Variants in RPTOR observed in about 807,000 individuals in gnomAD.
The protein encoded by RPTOR is regulatory-associated protein of mTOR.
A neutral mutation model predicts 169.9 loss-of-function variants in RPTOR; 21 were observed. The ratio of observed to expected loss-of-function variants is 0.12; its 90% CI spans 0.09 to 0.18. RPTOR has a LOEUF of 0.18. Ranked by LOEUF, RPTOR falls within the 10% of genes least tolerant of loss-of-function variation. The pLI is 1.00. For missense variants in RPTOR, 1,133 were observed against 1,855.9 expected (o/e 0.61, Z 7.16); for synonymous variants, 732 against 753.2 (o/e 0.97, Z 0.46).
intron 17 of RPTOR, 78 bp from the exon 18 acceptor site, chr17:80,891,642 G>A: frequency 1.0e-6 from 1 of 953,570 alleles, no homozygotes; most frequent in Admixed American, 2.1e-5. Context: ...TTTTCTGTTG[G>A]TGACTCAAGT....
rs182883294 is a variant in RPTOR at position 80,897,467 on chromosome 17, A to G, written c.2401+3602A>G. On this transcript the variant is annotated intron_variant, in intron 20 of 33. Coordinates refer to ENST00000306801, the MANE Select transcript of RPTOR (RefSeq NM_020761.3). ...GTTAAGAATTTTCCTGATAAATGGA[A>G]TTAATTTCTTTGAATGTATTTTCTG... Among the ~76,000 whole-genome samples the G allele has an allele frequency of 4.6e-5, 7 of 152,332 alleles. No individual in the cohort carries two copies. The East Asian group carries it at 1.2e-3, about 25-fold the overall frequency.
chr17:80,566,606 G>A (rs1299746948), intron 1 of RPTOR, among the ~76,000 whole-genome samples: 1 of 151,828 alleles, frequency 6.6e-6, no homozygotes, highest in Non-Finnish European at 1.5e-5. Context: ...GGATCATGAG[G>A]TCAGGAGATC....
intron 1 of RPTOR, among the ~76,000 whole-genome samples, chr17:80,566,519 A>G (rs981679380): frequency 6.6e-6 from 1 of 152,186 alleles, no homozygotes; most frequent in Non-Finnish European, 1.5e-5. Flanking sequence ...AGGTAGAATT[A>G]TAAGAATGTA....
At chr17:80,599,772 T>C (rs572544899) in intron 1 of RPTOR, among the ~76,000 whole-genome samples, 3 of 152,224 alleles carry the variant, frequency 2.0e-5, no homozygotes, top group Non-Finnish European at 4.4e-5. Context: ...GAACGTGTCA[T>C]TGCACGCTGG....
rs376440913 is a variant in RPTOR at position 80,949,607 on chromosome 17, G to A, written c.3370+60G>A. On this transcript the variant is annotated intron_variant, in intron 28 of 33. Transcript: ENST00000306801. ...TGTTCCCGGGGCTGCGGACGCACTC[G>A]GAATTCCAAGGCCCTTCTGGGGCTG... The A allele has an allele frequency of 3.8e-5, 52 of 1,377,014 alleles. 1 individual carries two copies. Among genetic ancestry groups the A allele is most frequent in the East Asian group, 2.3e-4 (10 of 43,800 alleles). The allele number at this position is 1,377,014 out of a possible 1,614,324, so 85.3% of individuals were successfully genotyped here. A position where few individuals can be genotyped will look rare whatever the true frequency, so the allele number is the denominator to read the frequency against.
chr17:80,819,835 C>T (rs1041382184), intron 7 of RPTOR, among the ~76,000 whole-genome samples: 1 of 152,186 alleles, frequency 6.6e-6, no homozygotes, highest in African/African-American at 2.4e-5. Context: ...GTCTGTGTGA[C>T]TCTGAATACA....
At position 80,754,913 on chromosome 17, in the gene RPTOR, G is replaced by A. The variant is rs1045057660; in HGVS notation, c.830+728G>A. 1.3e-5 allele frequency among the ~76,000 whole-genome samples: 2 copies of A among 152,218 alleles called. No individual in the cohort carries two copies. The highest frequency in any genetic ancestry group is 4.8e-5 in the African/African-American group (2 of 41,456). ...GCCGTGCGAATGGTGCAGCTGTGCA[G>A]CAGACACCGTGCTGTCGGCCGAGGA... On this transcript the variant is annotated intron_variant, in intron 6 of 33. Coordinates refer to ENST00000306801, the MANE Select transcript of RPTOR (RefSeq NM_020761.3). The surrounding 1 kb of genome is among the most constrained non-coding windows in gnomAD (Gnocchi z 4.2).
rs2066658355 is a variant in RPTOR, at chr17:80,754,257, GC to G, written c.830+76del. 2.1e-6 allele frequency: 3 copies of G among 1,447,854 alleles called. No homozygotes were observed. In the Admixed American group the frequency reaches 6.6e-5, roughly 32 times the overall value. 89.7% of individuals were successfully genotyped at this position (1,447,854 alleles called of 1,614,324 possible). On this transcript the variant is annotated intron_variant, in intron 6 of 33. Coordinates refer to ENST00000306801, the MANE Select transcript of RPTOR (RefSeq NM_020761.3). This position sits in a 1 kb window ranked among gnomAD's most constrained non-coding sequence, Gnocchi z 4.2. ...CCCGCAGGGACCCCAACCCATGTGG[GC>G]CCCAGGCATTCACCTGGTCCCAGGA... is the stretch of plus-strand genomic sequence containing the variant.
chr17:80,943,574 C>G (rs1238086757), intron 25 of RPTOR, among the ~76,000 whole-genome samples: 6 of 152,226 alleles, frequency 3.9e-5, no homozygotes, highest in Admixed American at 6.5e-5. Context: ...TGGCTCCCCC[C>G]GTTGTCCCAG....
rs905183945 is a variant in RPTOR at position 80,646,902 on chromosome 17, C to T, written c.348+3092C>T. On this transcript the variant is annotated intron_variant, in intron 3 of 33. Coordinates refer to ENST00000306801, the MANE Select transcript of RPTOR (RefSeq NM_020761.3). The surrounding 1 kb of genome is among the most constrained non-coding windows in gnomAD (Gnocchi z 5.0). Reference sequence around the variant, plus strand: ...GAGTAGGAAATGCCTGTTTTCTCAACGGTAGCGTCCATCCAGGAGGTGCAG... The same window carrying T: ...GAGTAGGAAATGCCTGTTTTCTCAATGGTAGCGTCCATCCAGGAGGTGCAG... Among the ~76,000 whole-genome samples the T allele has an allele frequency of 6.6e-5, 10 of 152,190 alleles. No homozygotes were observed. The highest frequency in any genetic ancestry group is 1.9e-4 in the African/African-American group (8 of 41,452).
chr17:80,776,344 ATGGAGTCTCACTCTGTCTTCCCAGGC>A, intron 6 of RPTOR, among the ~76,000 whole-genome samples: 1 of 100,668 alleles, frequency 9.9e-6, no homozygotes, highest in Admixed American at 1.4e-4. Flanking sequence ...TTTTTTTGAG[ATGGAGTCTCACTCTGTCTTCCCAGGC>A]TGGAGTGCAG....
intron 16 of RPTOR, 125 bp from the exon 17 acceptor site, chr17:80,884,883 G>A (rs1458672004): frequency 7.8e-6 from 10 of 1,287,660 alleles, no homozygotes; most frequent in Non-Finnish European, 9.5e-6. Context: ...AGAGCCTTGG[G>A]CCTGGAGAGC....
chr17:80,634,271 G>A (rs1274387238), intron 2 of RPTOR, among the ~76,000 whole-genome samples: 1 of 149,656 alleles, frequency 6.7e-6, no homozygotes, highest in Non-Finnish European at 1.5e-5. Context: ...TACCGTGTGT[G>A]TGCGTACTGT....
chr17:80,682,243 A>G (rs35884143), intron 3 of RPTOR, among the ~76,000 whole-genome samples: 24,234 of 151,660 alleles, frequency 0.16, 2,880 homozygotes, highest in African/African-American at 0.33. Context: ...ATCTAGAACT[A>G]CAGACCTGCG....
intron 1 of RPTOR, among the ~76,000 whole-genome samples, chr17:80,604,977 C>G (rs2065218446): frequency 6.7e-6 from 1 of 149,974 alleles, no homozygotes; most frequent in African/African-American, 2.5e-5. Flanking sequence ...CCCAGCTGGT[C>G]TTTAGCTCCT....
intron 5 of RPTOR, among the ~76,000 whole-genome samples, chr17:80,748,756 A>G: frequency 1.9e-5 from 1 of 53,380 alleles, no homozygotes; most frequent in Admixed American, 1.7e-4. Context: ...CCGTGGCGGG[A>G]GGACCTGTTG....
intron 2 of RPTOR, among the ~76,000 whole-genome samples, chr17:80,629,076 CCG>C (rs2065418851): frequency 7.2e-6 from 1 of 139,410 alleles, no homozygotes; most frequent in African/African-American, 2.7e-5. Context: ...GGACATTGTA[CCG>C]CAGCTCTTTT....
At chr17:80,574,339 T>C (rs1449606577) in intron 1 of RPTOR, among the ~76,000 whole-genome samples, 17 of 151,136 alleles carry the variant, frequency 1.1e-4, no homozygotes, top group Admixed American at 6.6e-4. Flanking sequence ...TAATTTTTTG[T>C]ATTTTTTTAG....
At chr17:80,865,917 G>T (rs1189684882) in intron 13 of RPTOR, among the ~76,000 whole-genome samples, 1 of 152,086 alleles carries the variant, frequency 6.6e-6, no homozygotes, top group Non-Finnish European at 1.5e-5. Flanking sequence ...AAGAACTGAA[G>T]CCTTACAGGC....
Sources: gnomAD v4.1 joint callset for allele counts (sites outside exome capture counted in the v4.1 genomes callset) on GRCh38, gnomAD v4.1.1 for gene constraint, Gnocchi (gnomAD v3.1) non-coding constraint, MANE v1.5 for transcripts, NCBI Gene and HGNC (gene_info 2026-07-23, HGNC 2026-07-21) for gene names.